LRRIQ4: variants seen among roughly 807,000 people sequenced by gnomAD.
The protein encoded by LRRIQ4 is leucine rich repeats and IQ motif containing 4, also known as leucine-rich repeat and IQ domain-containing protein 4.
In LRRIQ4, 21 loss-of-function variants were observed where a neutral mutation model predicts 40.1. The observed-to-expected ratio is 0.52, with a 90% CI of 0.37 to 0.75. LRRIQ4 has a LOEUF of 0.75. LRRIQ4 is among the 30% of genes least tolerant of loss of function. The pLI is 0.00. For synonymous variants in LRRIQ4, 277 were observed against 277.1 expected (o/e 1.00, Z 0.00); for missense variants, 655 against 660.0 (o/e 0.99, Z 0.08).
chr3:169,821,949 C>G lies in LRRIQ4; in HGVS notation c.28C>G (p.His10Asp). 1 of 1,490,964 alleles carries G rather than the reference C, an allele frequency of 6.7e-7. No homozygotes were observed. The highest frequency in any genetic ancestry group is 8.9e-7 in the Non-Finnish European group (1 of 1,123,502). The allele number at this position is 1,490,964 out of a possible 1,614,324, so 92.4% of individuals were successfully genotyped here. A position where few individuals can be genotyped will look rare whatever the true frequency, so the allele number is the denominator to read the frequency against. Residue 10 changes from histidine (H) to aspartate (D), a missense_variant, in exon 2 of 6, where the codon CAT (histidine) becomes GAT (aspartate). Physicochemically the swap from His to Asp is moderately conservative, Grantham distance 81. Coordinates refer to ENST00000340806, the MANE Select transcript of LRRIQ4 (RefSeq NM_001080460.3). ...GTCAAAAGACATAAAATCAGTAGAA[C>G]ATTCACCTAAAATTCATCAGAGAAA... MSKDIKSVE[H>D]SPKIHQRNDP...
intron 1 of LRRIQ4, among the ~76,000 whole-genome samples, chr3:169,820,780 C>G (rs1401263800): frequency 2.0e-5 from 3 of 152,196 alleles, no homozygotes; most frequent in Admixed American, 2.0e-4. Context: ...CAGAGTTAAG[C>G]TCCTTCCAGC....
In LRRIQ4 at chr3:169,815,352, T is replaced by C. The variant is rs1211729210; in HGVS notation, c.-32+2306T>C. ...TTATAGTTTTCATTGTAGAGATCTT[T>C]TACTTCTTTGGTTGAGTTTGTTCTT... On this transcript the variant is annotated intron_variant, in intron 1 of 5. Transcript: ENST00000340806. 2.0e-5 allele frequency among the ~76,000 whole-genome samples: 3 copies of C among 152,206 alleles called. No individual in the cohort carries two copies. In the East Asian group the frequency reaches 5.8e-4, roughly 29 times the overall value.
chr3:169,825,625 C>T (rs922583723), intron 2 of LRRIQ4, among the ~76,000 whole-genome samples: 2 of 152,176 alleles, frequency 1.3e-5, no homozygotes, highest in Admixed American at 6.5e-5. Context: ...TATACTGAGC[C>T]ATGAATAATA....
intron 1 of LRRIQ4, 103 bp from the exon 2 acceptor site, chr3:169,821,788 C>A: frequency 1.8e-6 from 1 of 568,200 alleles, no homozygotes; most frequent in Middle Eastern, 5.2e-4. Context: ...TAATTTCAAG[C>A]ACTAAGTTTA....
intron 1 of LRRIQ4, among the ~76,000 whole-genome samples, chr3:169,820,247 CTCTGTG>C (rs1779851704): frequency 8.7e-6 from 1 of 115,032 alleles, no homozygotes; most frequent in Admixed American, 8.9e-5. Flanking sequence ...TCCCCATAGA[CTCTGTG>C]TGTGTGTGTG....
intron 1 of LRRIQ4, among the ~76,000 whole-genome samples, chr3:169,814,919 T>C (rs1018312095): frequency 6.6e-6 from 1 of 152,250 alleles, no homozygotes; most frequent in Non-Finnish European, 1.5e-5. Flanking sequence ...ATGTTACTGA[T>C]ACCTTTGTCA....
intron 3 of LRRIQ4, 45 bp downstream of exon 3, chr3:169,828,977 C>T: frequency 6.5e-7 from 1 of 1,534,042 alleles, no homozygotes; most frequent in Non-Finnish European, 8.8e-7. Flanking sequence ...CTGTCACTGC[C>T]TCTTAAATTG....
At chr3:169,813,331 G>A (rs2108259075) in intron 1 of LRRIQ4, among the ~76,000 whole-genome samples, 1 of 152,372 alleles carries the variant, frequency 6.6e-6, no homozygotes, top group Non-Finnish European at 1.5e-5. Context: ...GGAGGGGTAA[G>A]GAAGAGGAGT....
At chr3:169,832,002 A>T (rs1438417497) in intron 4 of LRRIQ4, among the ~76,000 whole-genome samples, 1 of 151,988 alleles carries the variant, frequency 6.6e-6, no homozygotes, top group Admixed American at 6.6e-5. Context: ...AAAAGAAAAA[A>T]AAAATGGAGA....
chr3:169,818,828 T>C (rs920492298), intron 1 of LRRIQ4, among the ~76,000 whole-genome samples: 3 of 152,234 alleles, frequency 2.0e-5, no homozygotes, highest in Admixed American at 2.0e-4. Context: ...CTTGAAATTC[T>C]TTTAACTAGA....
intron 2 of LRRIQ4, among the ~76,000 whole-genome samples, chr3:169,827,606 C>CAA (rs59524627): frequency 3.1e-3 from 237 of 76,390 alleles, no homozygotes; most frequent in Middle Eastern, 7.8e-3. Flanking sequence ...GACTCCGTCT[C>CAA]AAAAAAAAAA....
At chr3:169,837,094 G>A (rs1780320216) in intron 5 of LRRIQ4, among the ~76,000 whole-genome samples, 4 of 152,116 alleles carry the variant, frequency 2.6e-5, no homozygotes, top group Non-Finnish European at 5.9e-5. Context: ...AGGAAGGCAG[G>A]GCGTAGGCAC....
rs1209709724 is a variant in LRRIQ4 at position 169,828,817 on chromosome 3, A to T, written c.1079A>T (p.Glu360Val). Residue 360 changes from glutamate (E) to valine (V), a missense_variant, in exon 3 of 6, where the codon GAG becomes GTG. By Grantham distance (121) the Glu-to-Val change is moderately radical. Coordinates refer to ENST00000340806, the MANE Select transcript of LRRIQ4 (RefSeq NM_001080460.3). Reference sequence around the variant, plus strand: ...AAGATACTTGGACTAACAGGAAATGAGTTCCTTTCCTTTCCGGAGGAAGTC... The same window carrying T: ...AAGATACTTGGACTAACAGGAAATGTGTTCCTTTCCTTTCCGGAGGAAGTC... Reference protein sequence around the residue: ...KLKILGLTGNEFLSFPEEVLS... With the variant: ...KLKILGLTGNVFLSFPEEVLS... 3.1e-6 allele frequency: 5 copies of T among 1,613,752 alleles called. No homozygotes were observed. Among genetic ancestry groups the T allele is most frequent in the Non-Finnish European group, 4.2e-6 (5 of 1,179,834 alleles).
chr3:169,820,754 A>G (rs1332778378), intron 1 of LRRIQ4, among the ~76,000 whole-genome samples: 1 of 152,182 alleles, frequency 6.6e-6, no homozygotes, highest in East Asian at 1.9e-4. Flanking sequence ...CCGCAGTTCC[A>G]AATGTCTCAC....
intron 1 of LRRIQ4, among the ~76,000 whole-genome samples, chr3:169,820,365 A>G (rs1222629049): frequency 6.6e-6 from 1 of 151,758 alleles, no homozygotes; most frequent in Non-Finnish European, 1.5e-5. Context: ...CTAGTAGTGT[A>G]AGTCTGCTGA....
intron 2 of LRRIQ4, among the ~76,000 whole-genome samples, chr3:169,827,586 G>A (rs1236655475): frequency 6.8e-5 from 10 of 147,152 alleles, no homozygotes; most frequent in East Asian, 5.9e-4. Flanking sequence ...CAGCCTGGGC[G>A]GCAGAGCGAG....
At position 169,830,295 on chromosome 3, in the gene LRRIQ4, C is replaced by T. The variant is rs141026744; in HGVS notation, c.1195-197C>T. ...GGAAACTAAGTCTAATGGATTTACT[C>T]AAAAATAATTTTGGGTCTTGATGAT... On this transcript the variant is annotated intron_variant, in intron 3 of 5. Transcript: ENST00000340806. 2.6e-4 allele frequency among the ~76,000 whole-genome samples: 34 copies of T among 132,516 alleles called. No homozygotes were observed. In the East Asian group the frequency reaches 8.0e-3, roughly 31 times the overall value. The allele number at this position is 132,516 out of a possible 152,430, so 86.9% of individuals were successfully genotyped here.
At position 169,817,538 on chromosome 3, in the gene LRRIQ4, C is replaced by T. The variant is rs201603175; in HGVS notation, c.-31-4353C>T. Among the ~76,000 whole-genome samples the T allele has an allele frequency of 1.9e-4, 29 of 152,312 alleles. No homozygotes were observed. The East Asian group carries it at 5.6e-3, about 29-fold the overall frequency. On this transcript the variant is annotated intron_variant, in intron 1 of 5. Coordinates refer to ENST00000340806, the MANE Select transcript of LRRIQ4 (RefSeq NM_001080460.3). ...TGAAAGTATCCAATGCTGAAATCAA[C>T]AGCCATTATTGTACTGGAGTCTATT...
chr3:169,837,591 A>C lies in LRRIQ4; in HGVS notation c.1643A>C (p.Lys548Thr), dbSNP rs1214268860. ...KTSPKDKKGK[K>T]DVKGKPGKGK... The stretch of plus-strand genomic sequence containing the variant: ...TCTCCAAAAGATAAGAAAGGAAAGA[A>C]GGATGTAAAAGGAAAACCAGGAAAG... The change falls in exon 6 of 6, where the codon AAG becomes ACG. Residue 548 changes from lysine to threonine, a missense_variant. By Grantham distance (78) the Lys-to-Thr change is moderately conservative (BLOSUM62 -1). Coordinates refer to ENST00000340806, the MANE Select transcript of LRRIQ4 (RefSeq NM_001080460.3). 1 of 1,590,364 alleles carries C rather than the reference A, an allele frequency of 6.3e-7. No individual in the cohort carries two copies. The highest frequency in any genetic ancestry group is 8.5e-7 in the Non-Finnish European group (1 of 1,169,592).
Sources: gnomAD v4.1 joint callset for allele counts (sites outside exome capture counted in the v4.1 genomes callset) on GRCh38, gnomAD v4.1.1 for gene constraint, MANE v1.5 for transcripts, NCBI Gene and HGNC (gene_info 2026-07-23, HGNC 2026-07-21) for gene names.